The following TCOF1 variants were observed in gnomAD, a reference collection of about 807,000 sequenced individuals.
The protein encoded by TCOF1 is treacle ribosome biogenesis factor 1.
A neutral mutation model predicts 149.0 loss-of-function variants in TCOF1; 33 were observed. That is an observed-to-expected ratio of 0.22 (90% confidence interval 0.17 to 0.30). The LOEUF (loss-of-function observed/expected upper bound fraction) is 0.30, where lower values mean the gene tolerates loss of function less well. Among genes scored for constraint, TCOF1 ranks in the 10% least tolerant of loss-of-function variants. TCOF1 has a pLI of 1.00. For synonymous variants in TCOF1, 789 were observed against 738.8 expected (o/e 1.07, Z -1.10); for missense variants, 1,728 against 1,840.7 (o/e 0.94, Z 1.12).
At chr5:150,379,917 T>C (rs1283210421) in intron 17 of TCOF1, 185 bp downstream of exon 17, 4 of 668,002 alleles carry the variant, frequency 6.0e-6, no homozygotes, top group African/African-American at 3.6e-5. Flanking sequence ...ACTAAAAATA[T>C]AAAAATTAGC....
At chr5:150,380,083 A>AG in intron 17 of TCOF1, 1 of 266,498 alleles carries the variant, frequency 3.8e-6, no homozygotes, top group South Asian at 4.1e-5. Context: ...AAAAAAAAAA[A>AG]AAGAAAAAAA....
rs542410396 is a variant in TCOF1, at chr5:150,382,678, T to G, written c.2859+2946T>G. Among the ~76,000 whole-genome samples the G allele has an allele frequency of 5.9e-5, 9 of 152,376 alleles. No homozygotes were observed. The South Asian group carries it at 1.4e-3, about 25-fold the overall frequency. ...CAGTGGAACACTTCTAGGTGGCTCC[T>G]GCTTTTGGCTGGGGGTGTTACAACC... is the stretch of plus-strand genomic sequence containing the variant. On this transcript the variant is annotated intron_variant, in intron 17 of 26. Transcript: ENST00000643257.
rs546145915 is a variant in TCOF1 at position 150,361,703 on chromosome 5, G to C, written c.164+492G>C. 2.6e-5 allele frequency among the ~76,000 whole-genome samples: 4 copies of C among 152,312 alleles called. No individual in the cohort carries two copies. In the East Asian group the frequency reaches 7.7e-4, roughly 29 times the overall value. Reference sequence around the variant, plus strand: ...TGGGTAAGTCTGGCTTCATCTGGGGGTCCAGGGGAAGCTTCCCTGAGGTGA... The same window carrying C: ...TGGGTAAGTCTGGCTTCATCTGGGGCTCCAGGGGAAGCTTCCCTGAGGTGA... On this transcript the variant is annotated intron_variant, in intron 2 of 26. Transcript: ENST00000643257.
At chr5:150,398,993 G>C in intron 25 of TCOF1, 29 bp from the exon 26 acceptor site, 1 of 1,614,242 alleles carries the variant, frequency 6.2e-7, no homozygotes, top group Non-Finnish European at 8.5e-7. Context: ...CTGCAGGTCT[G>C]AGAGCCTCTC....
chr5:150,361,153 C>T lies in TCOF1; in HGVS notation c.109-3C>T. On this transcript the variant is annotated splice_region_variant and splice_polypyrimidine_tract_variant and intron_variant, in intron 1 of 26. Transcript: ENST00000643257. ...TTGTGGCTTTCTCTTTACCTCTCTG[C>T]AGAAGTGTTTCCTGGCTCAGCCCGT... The T allele has an allele frequency of 6.2e-7, 1 of 1,614,178 alleles. No individual in the cohort carries two copies. The highest frequency in any genetic ancestry group is 1.1e-5 in the South Asian group (1 of 91,088).
At chr5:150,387,324 T>C (rs1014767876) in intron 17 of TCOF1, among the ~76,000 whole-genome samples, 3 of 152,224 alleles carry the variant, frequency 2.0e-5, no homozygotes, top group African/African-American at 7.2e-5. Context: ...GTTTCTCTTG[T>C]GCATTTTTTT....
intron 17 of TCOF1, chr5:150,384,608 C>T: frequency 1.0e-6 from 1 of 985,448 alleles, no homozygotes; most frequent in South Asian, 4.7e-5. Flanking sequence ...TGGACTAACA[C>T]AATTAAAATG....
chr5:150,376,664 C>T, intron 14 of TCOF1, 44 bp downstream of exon 14: 1 of 1,543,722 alleles, frequency 6.5e-7, no homozygotes, highest in Non-Finnish European at 8.8e-7. Flanking sequence ...ACACCTGTTC[C>T]TGAGCCAGGG....
chr5:150,366,811 C>T lies in TCOF1; in HGVS notation c.305-1033C>T, dbSNP rs1264915000. On this transcript the variant is annotated intron_variant, in intron 3 of 26. Transcript: ENST00000643257. The stretch of plus-strand genomic sequence containing the variant: ...CTGGGACTACAGGCGCCCGCCACCG[C>T]GCCCGGCTAATTTTTTGTATTTTTA... Among the ~76,000 whole-genome samples the T allele has an allele frequency of 6.1e-4, 36 of 58,854 alleles. 11 individuals are homozygous for T. Among genetic ancestry groups the T allele is most frequent in the Admixed American group, 2.7e-3 (20 of 7,514 alleles). The allele number at this position is 58,854 out of a possible 152,430, so 38.6% of individuals were successfully genotyped here. A position where few individuals can be genotyped will look rare whatever the true frequency, so the allele number is the denominator to read the frequency against.
rs1036161484 is a variant in TCOF1, at chr5:150,393,737, G to C, written c.3784+185G>C. On this transcript the variant is annotated intron_variant, in intron 23 of 26. Coordinates refer to ENST00000643257, the MANE Select transcript of TCOF1 (RefSeq NM_001371623.1). ...GCTCATCAAAGTGCAGGTGGGGCCA[G>C]GTGCAGTGGCTCATGCCCATAATCC... is the stretch of plus-strand genomic sequence containing the variant. 6.0e-5 allele frequency: 47 copies of C among 780,374 alleles called. No individual in the cohort carries two copies. In the African/African-American group the frequency reaches 7.6e-4, roughly 13 times the overall value. The allele number at this position is 780,374 out of a possible 1,614,324, so 48.3% of individuals were successfully genotyped here.
chr5:150,379,496 C>T (rs1355660768), intron 16 of TCOF1, 36 bp from the exon 17 acceptor site: 2 of 1,613,236 alleles, frequency 1.2e-6, no homozygotes, highest in African/African-American at 2.7e-5. Context: ...CGTCCACCCT[C>T]CAGGCTCTCT....
intron 23 of TCOF1, among the ~76,000 whole-genome samples, chr5:150,395,449 G>A (rs139749576): frequency 5.3e-4 from 80 of 152,302 alleles, no homozygotes; most frequent in African/African-American, 1.8e-3. Flanking sequence ...AGGCTGGGTC[G>A]GAAGAGGAAT....
chr5:150,398,989 G>A, intron 25 of TCOF1, 33 bp from the exon 26 acceptor site: 1 of 1,614,226 alleles, frequency 6.2e-7, no homozygotes, highest in East Asian at 2.2e-5. Context: ...AAAGCTGCAG[G>A]TCTGAGAGCC....
chr5:150,364,330 C>G, intron 3 of TCOF1, 78 bp downstream of exon 3: 1 of 1,596,668 alleles, frequency 6.3e-7, no homozygotes, highest in Non-Finnish European at 8.6e-7. Context: ...AGCTTCTTCT[C>G]TTATCACTAG....
At chr5:150,398,998 C>T in intron 25 of TCOF1, 24 bp from the exon 26 acceptor site, 1 of 1,614,198 alleles carries the variant, frequency 6.2e-7, no homozygotes, top group Non-Finnish European at 8.5e-7. Context: ...GGTCTGAGAG[C>T]CTCTCGTACT....
chr5:150,387,854 G>A, intron 17 of TCOF1, 48 bp from the exon 18 acceptor site: 2 of 1,612,476 alleles, frequency 1.2e-6, no homozygotes, highest in Non-Finnish European at 1.7e-6. Context: ...TCCTTTCCCT[G>A]GCCAAGCCTT....
At chr5:150,360,219 C>T (rs1330836489) in intron 1 of TCOF1, among the ~76,000 whole-genome samples, 2 of 152,208 alleles carry the variant, frequency 1.3e-5, no homozygotes, top group Non-Finnish European at 2.9e-5. Context: ...GAAGACGTGA[C>T]GAGATTAGTT....
At chr5:150,370,199 G>C (rs1762220001) in intron 6 of TCOF1, among the ~76,000 whole-genome samples, 1 of 152,204 alleles carries the variant, frequency 6.6e-6, no homozygotes, top group Non-Finnish European at 1.5e-5. Context: ...GCTGCCATGG[G>C]GCAAGGGAGC....
intron 19 of TCOF1, 54 bp from the exon 20 acceptor site, chr5:150,391,490 C>A: frequency 6.7e-7 from 1 of 1,489,268 alleles, no homozygotes; most frequent in Non-Finnish European, 9.4e-7. Flanking sequence ...GGGTGTGGCA[C>A]AGCTGGCATC....
Sources: gnomAD v4.1 joint callset for allele counts (sites outside exome capture counted in the v4.1 genomes callset) on GRCh38, gnomAD v4.1.1 for gene constraint, MANE v1.5 for transcripts, NCBI Gene and HGNC (gene_info 2026-07-23, HGNC 2026-07-21) for gene names.